The following CHIC2 variants were observed in gnomAD, a reference collection of about 807,000 sequenced individuals.
CHIC2 encodes the protein cysteine rich hydrophobic domain 2, also known as cysteine-rich hydrophobic domain-containing protein 2.
A neutral mutation model predicts 25.9 loss-of-function variants in CHIC2; 14 were observed. The observed-to-expected ratio is 0.54, with a 90% CI of 0.36 to 0.85. CHIC2 has a LOEUF of 0.85. Among genes scored for constraint, CHIC2 ranks in the 40% least tolerant of loss-of-function variants. The pLI, the probability that CHIC2 is intolerant of heterozygous loss-of-function variation, is 0.01. For missense variants in CHIC2, 146 were observed against 202.0 expected, an observed-to-expected ratio of 0.72 and a Z score of 1.68; for synonymous variants, 70 against 72.0, an observed-to-expected ratio of 0.97 and a Z score of 0.14.
intron 3 of CHIC2, among the ~76,000 whole-genome samples, chr4:54,019,489 T>C (rs1029848585): frequency 1.3e-5 from 2 of 152,190 alleles, no homozygotes; most frequent in Admixed American, 6.5e-5. Flanking sequence ...AGTGTCTTAA[T>C]AGGTGCTAAT....
the CHIC2 span, among the ~76,000 whole-genome samples, chr4:54,082,106 G>C: frequency 2.0e-5 from 3 of 152,220 alleles, no homozygotes; most frequent in African/African-American, 7.2e-5. Context: ...GGAAAATCAA[G>C]AGTGATAGCT....
chr4:54,038,526 ATAT>A (rs1343617955), intron 3 of CHIC2, among the ~76,000 whole-genome samples: 4 of 152,244 alleles, frequency 2.6e-5, no homozygotes, highest in African/African-American at 7.2e-5. Context: ...AGAGGACTTA[ATAT>A]TGTTAAGATG....
chr4:54,039,402 G>T (rs1258240822), intron 3 of CHIC2, among the ~76,000 whole-genome samples: 14 of 152,016 alleles, frequency 9.2e-5, no homozygotes, highest in Admixed American at 9.2e-4. Flanking sequence ...TTTTAAATAG[G>T]CAAAATATTT....
chr4:54,073,149 C>T, the CHIC2 span, among the ~76,000 whole-genome samples: 1 of 152,190 alleles, frequency 6.6e-6, no homozygotes, highest in Non-Finnish European at 1.5e-5. Context: ...ATATTTCCTC[C>T]TGGAAGGGAG....
At chr4:54,038,503 A>G (rs1716461271) in intron 3 of CHIC2, among the ~76,000 whole-genome samples, 1 of 152,208 alleles carries the variant, frequency 6.6e-6, no homozygotes, top group Non-Finnish European at 1.5e-5. Flanking sequence ...AGACTATGTC[A>G]TGTTCTTGGT....
At chr4:54,060,384 A>G (rs1560399234) in intron 1 of CHIC2, 1 of 152,202 alleles carries the variant, frequency 6.6e-6, no homozygotes, top group African/African-American at 2.4e-5. Context: ...AAGAGAGTAC[A>G]TGAAGACACG....
chr4:54,074,026 T>C, the CHIC2 span, among the ~76,000 whole-genome samples: 1 of 151,886 alleles, frequency 6.6e-6, no homozygotes, highest in Non-Finnish European at 1.5e-5. Context: ...GGCATGGTGG[T>C]GCACACCTGT....
chr4:54,033,276 T>A (rs1716290172), intron 3 of CHIC2, among the ~76,000 whole-genome samples: 1 of 152,254 alleles, frequency 6.6e-6, no homozygotes, highest in Non-Finnish European at 1.5e-5. Flanking sequence ...ATGGTTTTAA[T>A]CTGCATTTTT....
the CHIC2 span, among the ~76,000 whole-genome samples, chr4:54,080,529 G>T: frequency 6.6e-6 from 1 of 152,014 alleles, no homozygotes; most frequent in Non-Finnish European, 1.5e-5. Flanking sequence ...ACTTTGGAAG[G>T]CTGAGGCAGG....
At position 54,031,312 on chromosome 4, in the gene CHIC2, C is replaced by T. The variant is rs377163467; in HGVS notation, c.331-17193G>A. Among the ~76,000 whole-genome samples the T allele has an allele frequency of 2.6e-5, 4 of 151,974 alleles. No individual in the cohort carries two copies. The East Asian group carries it at 7.7e-4, about 29-fold the overall frequency. The stretch of plus-strand genomic sequence containing the variant: ...GCAGTAGGAGCTCCTATTACTTATT[C>T]TAAAAGGCAAGATGCTTCTATTTAT... On this transcript the variant is annotated intron_variant, in intron 3 of 5. Coordinates refer to ENST00000263921, the MANE Select transcript of CHIC2 (RefSeq NM_012110.4).
intron 3 of CHIC2, among the ~76,000 whole-genome samples, chr4:54,031,178 G>GA (rs34455625): frequency 0.37 from 53,620 of 144,834 alleles, 10,098 homozygotes; most frequent in African/African-American, 0.48. Flanking sequence ...AAAAGGAAAG[G>GA]AAAAAAAAAA....
the CHIC2 span, among the ~76,000 whole-genome samples, chr4:54,089,061 C>G: frequency 6.6e-6 from 1 of 152,138 alleles, no homozygotes; most frequent in African/African-American, 2.4e-5. Context: ...GGTAGAGGAA[C>G]AAAGCTGATA....
the CHIC2 span, among the ~76,000 whole-genome samples, chr4:54,091,357 G>C: frequency 6.6e-6 from 1 of 152,152 alleles, no homozygotes; most frequent in Non-Finnish European, 1.5e-5. Context: ...CGTGCCTAGT[G>C]GGGAGGCGGG....
upstream of CHIC2, among the ~76,000 whole-genome samples, chr4:54,066,249 C>T (rs1223814502): frequency 2.0e-5 from 3 of 152,154 alleles, no homozygotes; most frequent in Non-Finnish European, 2.9e-5. Flanking sequence ...TGTTCAGTAC[C>T]TGCCCCATTG....
chr4:54,064,805 G>T (rs1273595978), upstream of CHIC2: 1 of 297,960 alleles, frequency 3.4e-6, no homozygotes, highest in Admixed American at 6.6e-5. This position sits in a 1 kb window ranked among gnomAD's most constrained non-coding sequence, Gnocchi z 4.2. Context: ...GACGGCGACC[G>T]GGGCGCGCGC....
intron 3 of CHIC2, among the ~76,000 whole-genome samples, chr4:54,045,710 A>T (rs1287075086): frequency 1.3e-5 from 2 of 151,918 alleles, no homozygotes; most frequent in Non-Finnish European, 2.9e-5. Flanking sequence ...ATGGGCAAAA[A>T]CTGGAAGCAT....
the CHIC2 span, among the ~76,000 whole-genome samples, chr4:54,091,327 G>A: frequency 2.0e-5 from 3 of 152,122 alleles, no homozygotes; most frequent in Non-Finnish European, 4.4e-5. Context: ...CGCCCGTAGC[G>A]CACCCCACCA....
At chr4:54,062,595 G>T (rs1007318032) in intron 1 of CHIC2, among the ~76,000 whole-genome samples, 3 of 152,044 alleles carry the variant, frequency 2.0e-5, no homozygotes, top group Non-Finnish European at 2.9e-5. Flanking sequence ...TTTTCCACTT[G>T]CCCAACAAAG....
intron 3 of CHIC2, among the ~76,000 whole-genome samples, chr4:54,047,762 C>T (rs1169518003): frequency 6.6e-6 from 1 of 151,562 alleles, no homozygotes; most frequent in Non-Finnish European, 1.5e-5. Flanking sequence ...AACTAACCTG[C>T]ACGTTGTGCA....
Sources: gnomAD v4.1 joint callset for allele counts (sites outside exome capture counted in the v4.1 genomes callset) on GRCh38, gnomAD v4.1.1 for gene constraint, Gnocchi (gnomAD v3.1) non-coding constraint, MANE v1.5 for transcripts, NCBI Gene and HGNC (gene_info 2026-07-23, HGNC 2026-07-21) for gene names.